Variants in SCHIP1 observed in about 807,000 individuals in gnomAD.
The protein encoded by SCHIP1 is schwannomin interacting protein 1.
A neutral mutation model predicts 29.7 loss-of-function variants in SCHIP1; 8 were observed. The observed-to-expected ratio is 0.27, with a 90% confidence interval of 0.16 to 0.49. The LOEUF is 0.49. Ranked by LOEUF, SCHIP1 falls within the 20% of genes least tolerant of loss-of-function variation. SCHIP1 has a pLI of 0.99. For missense variants in SCHIP1, 193 were observed against 294.6 expected (o/e 0.66, Z 2.52); for synonymous variants, 76 against 94.9 (o/e 0.80, Z 1.16).
chr3:159,542,779 A>G, the SCHIP1 span, among the ~76,000 whole-genome samples: 1 of 152,072 alleles, frequency 6.6e-6, no homozygotes, highest in East Asian at 1.9e-4. Flanking sequence ...TATGATTCCT[A>G]TAATTGAGGG....
At chr3:159,508,170 C>T in the SCHIP1 span, among the ~76,000 whole-genome samples, 2 of 152,152 alleles carry the variant, frequency 1.3e-5, no homozygotes, top group Non-Finnish European at 2.9e-5. Flanking sequence ...ATCAGAGATT[C>T]AACTTCTTCT....
At chr3:159,850,542 CAAAA>C (rs61224003) in intron 1 of SCHIP1, among the ~76,000 whole-genome samples, 1 of 104,936 alleles carries the variant, frequency 9.5e-6, no homozygotes. Flanking sequence ...GATTCCATCT[CAAAA>C]AAAAAAAAAA....
upstream of SCHIP1, among the ~76,000 whole-genome samples, chr3:159,837,128 C>G (rs1011066454): frequency 6.6e-6 from 1 of 151,062 alleles, no homozygotes; most frequent in East Asian, 1.9e-4. Flanking sequence ...TTTTTAACAA[C>G]ACATGATAAA....
At chr3:159,684,317 A>C in the SCHIP1 span, among the ~76,000 whole-genome samples, 1 of 151,856 alleles carries the variant, frequency 6.6e-6, no homozygotes, top group South Asian at 2.1e-4. Context: ...TCCTTCAAAA[A>C]CCCTAATAAG....
chr3:159,835,853 G>T (rs1241076365), upstream of SCHIP1, among the ~76,000 whole-genome samples: 1 of 151,874 alleles, frequency 6.6e-6, no homozygotes, highest in Admixed American at 6.6e-5. Flanking sequence ...TATATTTATT[G>T]TCCAAAACCC....
chr3:159,287,613 A>G, the SCHIP1 span, among the ~76,000 whole-genome samples: 1 of 152,204 alleles, frequency 6.6e-6, no homozygotes, highest in African/African-American at 2.4e-5. Context: ...CCGCATTGCT[A>G]TATGCTAAGC....
At chr3:159,533,139 TG>T in the SCHIP1 span, among the ~76,000 whole-genome samples, 2 of 151,354 alleles carry the variant, frequency 1.3e-5, no homozygotes, top group African/African-American at 2.4e-5. Context: ...CTGAGAGAAG[TG>T]GTGTAAAGGA....
the SCHIP1 span, among the ~76,000 whole-genome samples, chr3:159,574,497 G>A: frequency 6.6e-6 from 1 of 152,192 alleles, no homozygotes; most frequent in Admixed American, 6.5e-5. Context: ...GTCCCAGAGG[G>A]GGAACTGCCT....
the SCHIP1 span, among the ~76,000 whole-genome samples, chr3:159,829,918 G>A: frequency 6.6e-6 from 1 of 152,106 alleles, no homozygotes; most frequent in Non-Finnish European, 1.5e-5. Flanking sequence ...TTGTAAGTTT[G>A]GGTACTCTGT....
chr3:159,711,211 A>AAAAATGTTTTCCACCAAGC, the SCHIP1 span, among the ~76,000 whole-genome samples: 17 of 129,858 alleles, frequency 1.3e-4, no homozygotes, highest in African/African-American at 3.2e-4. Flanking sequence ...AATTTAAAAA[A>AAAAATGTTTTCCACCAAGC]TTAGCCGGGC....
the SCHIP1 span, among the ~76,000 whole-genome samples, chr3:159,491,768 T>C: frequency 4.6e-5 from 7 of 152,204 alleles, no homozygotes; most frequent in Admixed American, 2.0e-4. Context: ...TCTCCCAGCA[T>C]GCAGCTGGAG....
the SCHIP1 span, among the ~76,000 whole-genome samples, chr3:159,523,620 A>G: frequency 6.6e-6 from 1 of 152,166 alleles, no homozygotes; most frequent in African/African-American, 2.4e-5. Context: ...ATTTAGCAAC[A>G]GTGTGATTAC....
chr3:159,584,882 C>A, the SCHIP1 span, among the ~76,000 whole-genome samples: 1 of 152,126 alleles, frequency 6.6e-6, no homozygotes, highest in Non-Finnish European at 1.5e-5. Context: ...CAGCCCTAAC[C>A]ACACTGACCT....
the SCHIP1 span, among the ~76,000 whole-genome samples, chr3:159,598,816 G>C: frequency 3.9e-5 from 6 of 152,278 alleles, no homozygotes; most frequent in East Asian, 1.2e-3. Context: ...GCCATGTAGT[G>C]AAAGATTTAC....
chr3:159,676,791 C>A, the SCHIP1 span, among the ~76,000 whole-genome samples: 1 of 152,320 alleles, frequency 6.6e-6, no homozygotes, highest in South Asian at 2.1e-4. Context: ...ATCCAACCAC[C>A]ATCATCATCC....
chr3:159,412,803 C>T, the SCHIP1 span, among the ~76,000 whole-genome samples: 2 of 152,182 alleles, frequency 1.3e-5, no homozygotes, highest in Admixed American at 1.3e-4. Context: ...GTGACAGACA[C>T]ATCTGCAGCA....
the SCHIP1 span, among the ~76,000 whole-genome samples, chr3:159,494,228 C>A: frequency 7.9e-5 from 12 of 151,980 alleles, no homozygotes; most frequent in African/African-American, 2.9e-4. Flanking sequence ...CAAAAGCTAG[C>A]AGAAGGCAAG....
At chr3:159,583,362 TTAAA>T in the SCHIP1 span, among the ~76,000 whole-genome samples, 1 of 152,170 alleles carries the variant, frequency 6.6e-6, no homozygotes. Flanking sequence ...GTCCAATTTA[TTAAA>T]TATTGCTTTA....
At chr3:159,401,844 G>A in the SCHIP1 span, among the ~76,000 whole-genome samples, 2 of 152,134 alleles carry the variant, frequency 1.3e-5, no homozygotes, top group African/African-American at 4.8e-5. Flanking sequence ...ATATAAGGAA[G>A]GGATCCAGTT....
Sources: gnomAD v4.1 joint callset for allele counts (sites outside exome capture counted in the v4.1 genomes callset) on GRCh38, gnomAD v4.1.1 for gene constraint, MANE v1.5 for transcripts, NCBI Gene and HGNC (gene_info 2026-07-23, HGNC 2026-07-21) for gene names.